The following MYEF2 variants were observed in gnomAD, a reference collection of about 807,000 sequenced individuals.
MYEF2 encodes myelin expression factor 2.
Under a neutral mutation model 75.2 loss-of-function variants are expected in MYEF2, and 37 were observed. That is an observed-to-expected ratio of 0.49 (90% CI 0.38 to 0.65). The LOEUF is 0.65. MYEF2 is among the 30% of genes least tolerant of loss of function. MYEF2 has a pLI of 0.00. For synonymous variants in MYEF2, 195 were observed against 241.6 expected, an observed-to-expected ratio of 0.81 and a Z score of 1.79; for missense variants, 634 against 771.4, an observed-to-expected ratio of 0.82 and a Z score of 2.11.
At position 48,158,200 on chromosome 15, in the gene MYEF2, A is replaced by C; in HGVS notation, c.896T>G (p.Phe299Cys). Residue 299 changes from phenylalanine (F) to cysteine (C), a missense_variant, in exon 8 of 17, where the codon TTT (phenylalanine) becomes TGT (cysteine). Physicochemically the swap from Phe to Cys is radical, Grantham distance 205. Coordinates refer to ENST00000324324, the MANE Select transcript of MYEF2 (RefSeq NM_016132.5). The part of the protein sequence containing the change: ...AISMFNGQFL[F>C]DRPMHVKMDD... Reference sequence around the variant, plus strand: ...CATTTTCACATGCATAGGTCTATCAAATAAAAACTGCCCATTGAACATAGC... The same window carrying C: ...CATTTTCACATGCATAGGTCTATCACATAAAAACTGCCCATTGAACATAGC... 1 of 1,613,128 alleles carries C rather than the reference A, an allele frequency of 6.2e-7. No homozygotes were observed. Among genetic ancestry groups the C allele is most frequent in the Non-Finnish European group, 8.5e-7 (1 of 1,179,398 alleles).
At chr15:48,177,931 C>A in intron 1 of MYEF2, 146 bp downstream of exon 1, 1 of 1,122,862 alleles carries the variant, frequency 8.9e-7, no homozygotes, top group East Asian at 3.1e-5. Context: ...GGCCCAGCTG[C>A]ACCTGCTCCT....
At position 48,142,176 on chromosome 15, in the gene MYEF2, T is replaced by C. The variant is rs2039113202; in HGVS notation, c.*732A>G. 1 of 1,613,840 alleles carries C rather than the reference T, an allele frequency of 6.2e-7. No homozygotes were observed. The highest frequency in any genetic ancestry group is 8.5e-7 in the Non-Finnish European group (1 of 1,179,882). ...AGCAGAGGACTAACTTACATAACCA[T>C]CTCTCTCAACATTTCAATTATTTTT... On this transcript the variant is annotated 3_prime_UTR_variant, in exon 17 of 17. Coordinates refer to ENST00000324324, the MANE Select transcript of MYEF2 (RefSeq NM_016132.5).
chr15:48,142,187 AT>A lies in MYEF2; in HGVS notation c.*720del, dbSNP rs756096375. On this transcript the variant is annotated 3_prime_UTR_variant, in exon 17 of 17. Transcript: ENST00000324324. Reference sequence around the variant, plus strand: ...AACTTACATAACCATCTCTCTCAACATTTCAATTATTTTTCTTTTTTTAGCA... The same window carrying A: ...AACTTACATAACCATCTCTCTCAACATTCAATTATTTTTCTTTTTTTAGCA... The A allele has an allele frequency of 1.9e-6, 3 of 1,613,702 alleles. No homozygotes were observed. The highest frequency in any genetic ancestry group is 2.7e-5 in the African/African-American group (2 of 74,910).
In MYEF2 at chr15:48,149,252, C is replaced by G. The variant is rs773720672; in HGVS notation, c.1498G>C (p.Asp500His). Reference sequence around the variant, plus strand: ...CCCGATAAAAATCCTCGATCCATATCGATGCTCCTTTCCAGTATAGCTCCT... The same window carrying G: ...CCCGATAAAAATCCTCGATCCATATGGATGCTCCTTTCCAGTATAGCTCCT... ...GIGAILERSI[D>H]MDRGFLSGPM... The change falls in exon 15 of 17, where the codon GAT becomes CAT. Residue 500 changes from aspartate to histidine, a missense_variant. By Grantham distance (81) the Asp-to-His change is moderately conservative. Coordinates refer to ENST00000324324, the MANE Select transcript of MYEF2 (RefSeq NM_016132.5). The surrounding 1 kb of genome is among the most constrained non-coding windows in gnomAD (Gnocchi z 4.0). The G allele has an allele frequency of 1.2e-6, 2 of 1,613,394 alleles. No homozygotes were observed. Among genetic ancestry groups the G allele is most frequent in the Non-Finnish European group, 1.7e-6 (2 of 1,179,536 alleles).
intron 1 of MYEF2, among the ~76,000 whole-genome samples, chr15:48,175,489 G>A (rs1196648767): frequency 6.6e-6 from 1 of 152,098 alleles, no homozygotes; most frequent in Admixed American, 6.5e-5. Context: ...TGGTAGCTAT[G>A]CGAGGTAACA....
In MYEF2 at chr15:48,135,140, G is replaced by A. The variant is rs2038865394; in HGVS notation, c.*7768C>T. On this transcript the variant is annotated 3_prime_UTR_variant, in exon 17 of 17. Coordinates refer to ENST00000324324, the MANE Select transcript of MYEF2 (RefSeq NM_016132.5). ...GTGAGTTAACCTCATCACAATTGCTGATTGAGTTCTTCTCACTAGTTTGCA... is the reference window on the plus strand; with the variant it reads ...GTGAGTTAACCTCATCACAATTGCTAATTGAGTTCTTCTCACTAGTTTGCA... 7 of 547,472 alleles carry A rather than the reference G, an allele frequency of 1.3e-5. No homozygotes were observed. In the South Asian group the frequency reaches 2.0e-4, roughly 16 times the overall value. The allele number at this position is 547,472 out of a possible 1,614,324, so 33.9% of individuals were successfully genotyped here.
Position 48,136,542 on chromosome 15 carries a change from C to G in MYEF2, c.*6366G>C, listed in dbSNP as rs1220950873. 1.3e-6 allele frequency: 1 copy of G among 789,800 alleles called. No homozygotes were observed. The highest frequency in any genetic ancestry group is 1.9e-6 in the Non-Finnish European group (1 of 523,888). The allele number at this position is 789,800 out of a possible 1,614,324, so 48.9% of individuals were successfully genotyped here. Reference sequence around the variant, plus strand: ...CTGTAATCAAGTCTGGACAAATCTACAAAACAAAAAATATCTAGAAATGTT... The same window carrying G: ...CTGTAATCAAGTCTGGACAAATCTAGAAAACAAAAAATATCTAGAAATGTT... On this transcript the variant is annotated 3_prime_UTR_variant, in exon 17 of 17. Coordinates refer to ENST00000324324, the MANE Select transcript of MYEF2 (RefSeq NM_016132.5).
rs78883272 is a variant in MYEF2 at position 48,146,197 on chromosome 15, C to A, written c.1639+2835G>T. Among the ~76,000 whole-genome samples the A allele has an allele frequency of 7.8e-3, 1,184 of 152,002 alleles. 14 individuals are homozygous for A. The highest frequency in any genetic ancestry group is 0.028 in the African/African-American group (1,159 of 41,514). The stretch of plus-strand genomic sequence containing the variant: ...GGGAGCACATTTAAAAGACTATGCC[C>A]ATTTGACCCTATTAGCACAAGCTGA... On this transcript the variant is annotated intron_variant, in intron 16 of 16. Coordinates refer to ENST00000324324, the MANE Select transcript of MYEF2 (RefSeq NM_016132.5).
intron 1 of MYEF2, among the ~76,000 whole-genome samples, chr15:48,171,286 T>C (rs1236032338): frequency 6.6e-6 from 1 of 152,204 alleles, no homozygotes; most frequent in Non-Finnish European, 1.5e-5. Context: ...GTCTCTAGAT[T>C]AATACCCCTT....
chr15:48,136,461 T>TTA lies in MYEF2; in HGVS notation c.*6446_*6447insTA. The TTA allele has an allele frequency of 9.5e-6, 3 of 314,822 alleles. No homozygotes were observed. Among genetic ancestry groups the TTA allele is most frequent in the Non-Finnish European group, 1.7e-5 (3 of 177,336 alleles). The allele number at this position is 314,822 out of a possible 1,614,324, so 19.5% of individuals were successfully genotyped here. A position where few individuals can be genotyped will look rare whatever the true frequency, so the allele number is the denominator to read the frequency against. On this transcript the variant is annotated 3_prime_UTR_variant, in exon 17 of 17. Coordinates refer to ENST00000324324, the MANE Select transcript of MYEF2 (RefSeq NM_016132.5). Reference sequence around the variant, plus strand: ...AAAACGAGTTTGTTGATCTTGTTTTTAAAAAAAAAAAAACAACACAGAAGT... The same window carrying TTA: ...AAAACGAGTTTGTTGATCTTGTTTTTTAAAAAAAAAAAAAACAACACAGAAGT...
In MYEF2 at chr15:48,168,848, TAAAA is replaced by T; in HGVS notation, c.162-13_162-10del. On this transcript the variant is annotated splice_polypyrimidine_tract_variant and intron_variant, in intron 1 of 16. Coordinates refer to ENST00000324324, the MANE Select transcript of MYEF2 (RefSeq NM_016132.5). ...CTGATTCATCATTCTCCCTGTGAAT[TAAAA>T]AAAGTCAAACAAACAAAAACCCTCA... The T allele has an allele frequency of 6.3e-7, 1 of 1,599,982 alleles. No homozygotes were observed. The highest frequency in any genetic ancestry group is 8.5e-7 in the Non-Finnish European group (1 of 1,171,448).
chr15:48,153,033 C>T (rs2039553783), intron 10 of MYEF2: 1 of 139,472 alleles, frequency 7.2e-6, no homozygotes, highest in African/African-American at 3.4e-5. Context: ...ATTTTCCAAA[C>T]ACTATATGAT....
Position 48,138,481 on chromosome 15 carries a change from A to C in MYEF2, c.*4427T>G, listed in dbSNP as rs2038957657. 1 of 152,580 alleles carries C rather than the reference A, an allele frequency of 6.6e-6. No homozygotes were observed. Among genetic ancestry groups the C allele is most frequent in the African/African-American group, 2.4e-5 (1 of 41,460 alleles). The allele number at this position is 152,580 out of a possible 1,614,324, so 9.5% of individuals were successfully genotyped here. ...GACAAAAAAACCACTTCCACTAAGA[A>C]TTAGGATATGCGACTTAATAAAAAA... is the stretch of plus-strand genomic sequence containing the variant. On this transcript the variant is annotated 3_prime_UTR_variant, in exon 17 of 17. Coordinates refer to ENST00000324324, the MANE Select transcript of MYEF2 (RefSeq NM_016132.5).
Position 48,178,160 on chromosome 15 carries a change from C to G in MYEF2, c.78G>C (p.Pro26=), listed in dbSNP as rs774229930. The change falls in exon 1 of 17, where the codon CCG becomes CCC. Residue 26 remains proline, a synonymous_variant. Transcript: ENST00000324324. ...DSPHLQPAEP[P]GEPRREPHPA... ...GGTGCGGCTCTCGCCGCGGCTCGCC[C>G]GGCGGCTCTGCGGGCTGCAGGTGCG... 3.8e-6 allele frequency: 6 copies of G among 1,558,512 alleles called. No individual in the cohort carries two copies. The highest frequency in any genetic ancestry group is 4.3e-6 in the Non-Finnish European group (5 of 1,153,018).
intron 1 of MYEF2, among the ~76,000 whole-genome samples, chr15:48,169,620 C>T (rs549318965): frequency 2.1e-5 from 3 of 144,688 alleles, no homozygotes; most frequent in South Asian, 2.2e-4. Context: ...TTTTTTGAGA[C>T]GGAGTTTTGC....
At chr15:48,160,779 T>G (rs983456694) in intron 5 of MYEF2, among the ~76,000 whole-genome samples, 2 of 151,898 alleles carry the variant, frequency 1.3e-5, no homozygotes, top group African/African-American at 4.8e-5. Context: ...ATAAATTCTC[T>G]AGGATGGCTG....
At chr15:48,148,007 G>C (rs2039353291) in intron 16 of MYEF2, among the ~76,000 whole-genome samples, 1 of 151,888 alleles carries the variant, frequency 6.6e-6, no homozygotes, top group Non-Finnish European at 1.5e-5. Context: ...ACGTAGGATG[G>C]AAGAAAACTT....
Position 48,143,067 on chromosome 15 carries a change from A to G in MYEF2, c.1644T>C (p.His548=), listed in dbSNP as rs761163005. 2 of 1,524,724 alleles carry G rather than the reference A, an allele frequency of 1.3e-6. No homozygotes were observed. The highest frequency in any genetic ancestry group is 1.8e-6 in the Non-Finnish European group (2 of 1,138,944). 94.4% of individuals were successfully genotyped at this position (1,524,724 alleles called of 1,614,324 possible). ...CCATTTTTATTTCTGCAAACATTAC[A>G]TGACCTGTAAAATAAAAGTTACAGA... ...KLKEKFSQCG[H]VMFAEIKMEN... is the part of the protein sequence containing the mutation. Residue 548 remains histidine (H), a synonymous_variant, in exon 17 of 17, where the codon CAT becomes CAC. Coordinates refer to ENST00000324324, the MANE Select transcript of MYEF2 (RefSeq NM_016132.5).
intron 1 of MYEF2, among the ~76,000 whole-genome samples, chr15:48,169,599 AT>A (rs11341438): frequency 0.87 from 118,974 of 137,282 alleles, 52,913 homozygotes; most frequent in Non-Finnish European, 0.98. Context: ...TATAAACCTG[AT>A]TTTTTTTTTT....
Sources: allele counts gnomAD v4.1 joint callset (sites outside exome capture counted in the v4.1 genomes callset), GRCh38; gene constraint gnomAD v4.1.1; non-coding constraint Gnocchi (gnomAD v3.1); transcripts MANE v1.5; gene names NCBI Gene and HGNC (gene_info 2026-07-23, HGNC 2026-07-21).